KIAA0408: variants seen among roughly 807,000 people sequenced by gnomAD.
The protein encoded by KIAA0408 is KIAA0408, also known as uncharacterized protein KIAA0408.
In KIAA0408, 51 loss-of-function variants were observed where a neutral mutation model predicts 60.9. The observed-to-expected ratio is 0.84, with a 90% CI of 0.67 to 1.06. The LOEUF (loss-of-function observed/expected upper bound fraction) is 1.06. Ranked by LOEUF, KIAA0408 falls within the 50% of genes least tolerant of loss-of-function variation. The probability of loss-of-function intolerance (pLI) is 0.00; values close to 1 mark genes in which losing one functional copy is unlikely to be tolerated. For missense variants in KIAA0408, 787 were observed against 833.9 expected (o/e 0.94, Z 0.69); for synonymous variants, 304 against 282.4 (o/e 1.08, Z -0.77).
In KIAA0408 at chr6:127,451,283, G is replaced by A. The variant is rs556096662; in HGVS notation, c.136-931C>T. On this transcript the variant is annotated intron_variant, in intron 2 of 5. Transcript: ENST00000483725. The stretch of plus-strand genomic sequence containing the variant: ...GATTTATTGCTGCTTAATACATACC[G>A]ATAACTCAGTTGAGAGAAGCACTAG... 24 of 455,476 alleles carry A rather than the reference G, an allele frequency of 5.3e-5. 1 individual carries two copies. The highest frequency in any genetic ancestry group is 6.7e-4 in the Middle Eastern group (2 of 2,978). 28.2% of individuals were successfully genotyped at this position (455,476 alleles called of 1,614,324 possible). A position where few individuals can be genotyped will look rare whatever the true frequency, so the allele number is the denominator to read the frequency against.
Position 127,450,360 on chromosome 6 carries a change from A to G in KIAA0408, c.136-8T>C. ...CTTTACTTCCCGGCAAAGCTGTAAGAAAAACAAAACAAAATTAAAACTTCT... is the reference window on the plus strand; with the variant it reads ...CTTTACTTCCCGGCAAAGCTGTAAGGAAAACAAAACAAAATTAAAACTTCT... On this transcript the variant is annotated splice_polypyrimidine_tract_variant and splice_region_variant and intron_variant, in intron 2 of 5. Transcript: ENST00000483725. The G allele has an allele frequency of 6.4e-7, 1 of 1,570,898 alleles. No homozygotes were observed.
At position 127,448,611 on chromosome 6, in the gene KIAA0408, A is replaced by G. The variant is rs556981214; in HGVS notation, c.579-871T>C. The stretch of plus-strand genomic sequence containing the variant: ...TTCAAACTTAATCACACTGATAAAT[A>G]TAAATCATATTTATACCTCTTCAAA... On this transcript the variant is annotated intron_variant, in intron 4 of 5. Transcript: ENST00000483725. Among the ~76,000 whole-genome samples, 17 of 152,334 alleles carry G rather than the reference A, an allele frequency of 1.1e-4. No homozygotes were observed. The South Asian group carries it at 3.1e-3, about 28-fold the overall frequency.
At chr6:127,457,439 A>C (rs1007693892) in intron 1 of KIAA0408, among the ~76,000 whole-genome samples, 6 of 152,214 alleles carry the variant, frequency 3.9e-5, no homozygotes, top group African/African-American at 1.4e-4. Context: ...TGCTATCTGC[A>C]TCCCCTACCC....
At chr6:127,457,623 G>A (rs1481620268) in intron 1 of KIAA0408, among the ~76,000 whole-genome samples, 1 of 152,236 alleles carries the variant, frequency 6.6e-6, no homozygotes, top group Non-Finnish European at 1.5e-5. Context: ...TTCCAGGGCT[G>A]AAAGCCAGAA....
rs1773075670 is a variant in KIAA0408 at position 127,439,794 on chromosome 6, T to G, written c.*4315A>C. 6.6e-6 allele frequency: 1 copy of G among 152,184 alleles called. No homozygotes were observed. Among genetic ancestry groups the G allele is most frequent in the African/African-American group, 2.4e-5 (1 of 41,444 alleles). 9.4% of individuals were successfully genotyped at this position (152,184 alleles called of 1,614,324 possible). On this transcript the variant is annotated 3_prime_UTR_variant, in exon 6 of 6. Transcript: ENST00000483725. The stretch of plus-strand genomic sequence containing the variant: ...TCACAATGCCTGCCTTGTAGTTTGT[T>G]GTAAGAAGCAGACAAGTCGTGGAAT...
At position 127,447,110 on chromosome 6, in the gene KIAA0408, A is replaced by G. The variant is rs1318160699; in HGVS notation, c.1209T>C (p.Pro403=). Residue 403 remains proline, a synonymous_variant, in exon 5 of 6, where the codon CCT becomes CCC. Coordinates refer to ENST00000483725, the MANE Select transcript of KIAA0408 (RefSeq NM_014702.5). ...VIPDHPAKSH[P]DLHVSNDCSS... The stretch of plus-strand genomic sequence containing the variant: ...TACAGTCATTACTTACATGAAGATC[A>G]GGATGAGATTTAGCAGGGTGATCTG... 5 of 1,613,992 alleles carry G rather than the reference A, an allele frequency of 3.1e-6. No individual in the cohort carries two copies. Among genetic ancestry groups the G allele is most frequent in the East Asian group, 2.2e-5 (1 of 44,878 alleles).
chr6:127,449,911 T>C lies in KIAA0408; in HGVS notation c.499-10A>G, dbSNP rs763149857. 3 of 1,613,980 alleles carry C rather than the reference T, an allele frequency of 1.9e-6. No homozygotes were observed. The highest frequency in any genetic ancestry group is 2.2e-5 in the East Asian group (1 of 44,876). ...CAAGTTCTTCAAGAGCCTTTACACATATAAGCAACAGCCCGTTAGCACTTT... is the reference window on the plus strand; with the variant it reads ...CAAGTTCTTCAAGAGCCTTTACACACATAAGCAACAGCCCGTTAGCACTTT... On this transcript the variant is annotated splice_polypyrimidine_tract_variant and intron_variant, in intron 3 of 5. Coordinates refer to ENST00000483725, the MANE Select transcript of KIAA0408 (RefSeq NM_014702.5).
At chr6:127,458,579 C>T (rs1480954411) in intron 1 of KIAA0408, among the ~76,000 whole-genome samples, 2 of 152,104 alleles carry the variant, frequency 1.3e-5, no homozygotes, top group African/African-American at 4.8e-5. Context: ...TTTGAGTAAA[C>T]AAATGTCTAA....
In KIAA0408 at chr6:127,446,391, T is replaced by C. The variant is rs751937441; in HGVS notation, c.1911+17A>G. 9 of 1,591,654 alleles carry C rather than the reference T, an allele frequency of 5.7e-6. No homozygotes were observed. In the East Asian group the frequency reaches 1.8e-4, roughly 32 times the overall value. ...TAATATGGATGCTACCAAATTATGT[T>C]ATATTTGCTTTCTCACCTCTGTTAT... is the stretch of plus-strand genomic sequence containing the variant. On this transcript the variant is annotated intron_variant, in intron 5 of 5. Transcript: ENST00000483725.
Position 127,447,596 on chromosome 6 carries a change from G to T in KIAA0408, c.723C>A (p.Thr241=), listed in dbSNP as rs753980219. 2 of 1,613,136 alleles carry T rather than the reference G, an allele frequency of 1.2e-6. No individual in the cohort carries two copies. The highest frequency in any genetic ancestry group is 4.5e-5 in the East Asian group (2 of 44,852). The change falls in exon 5 of 6, where the codon ACC becomes ACA. Residue 241 remains threonine, a synonymous_variant. Transcript: ENST00000483725. ...KQKNRKNLSC[T]NVLQSNSTKK... ...TCGTAGAATTGCTCTGGAGCACATTGGTACAGCTCAGATTCTTCCTGTTTT... is the reference window on the plus strand; with the variant it reads ...TCGTAGAATTGCTCTGGAGCACATTTGTACAGCTCAGATTCTTCCTGTTTT...
At position 127,447,085 on chromosome 6, in the gene KIAA0408, TA is replaced by T; in HGVS notation, c.1233del (p.Cys411Ter). ...SHPDLHVSND[C>X]SSSVAESSSP... ...CTACTGCTCTCTGCTACTGAGGAGC[TA>T]CAGTCATTACTTACATGAAGATCAG... is the stretch of plus-strand genomic sequence containing the variant. On this transcript the variant is annotated frameshift_variant, in exon 5 of 6. Coordinates refer to ENST00000483725, the MANE Select transcript of KIAA0408 (RefSeq NM_014702.5). LOFTEE classifies it high-confidence loss of function. 1.9e-6 allele frequency: 3 copies of T among 1,613,934 alleles called. No homozygotes were observed. The highest frequency in any genetic ancestry group is 2.5e-6 in the Non-Finnish European group (3 of 1,179,978).
rs142246737 is a variant in KIAA0408, at chr6:127,446,531, A to G, written c.1788T>C (p.Ser596=). 6.2e-6 allele frequency: 10 copies of G among 1,614,044 alleles called. No individual in the cohort carries two copies. In the African/African-American group the frequency reaches 1.1e-4, roughly 17 times the overall value. ...AATGCTGACTTAATGTGGCACCACC[A>G]CTGACATCAGAATTACATTTGGTCC... ...DNWTKCNSDV[S]GGATLSQHLE... The change falls in exon 5 of 6, where the codon AGT becomes AGC. Residue 596 remains serine, a synonymous_variant. Coordinates refer to ENST00000483725, the MANE Select transcript of KIAA0408 (RefSeq NM_014702.5).
At chr6:127,457,363 T>C (rs1052833235) in intron 1 of KIAA0408, among the ~76,000 whole-genome samples, 2 of 152,190 alleles carry the variant, frequency 1.3e-5, no homozygotes, top group Non-Finnish European at 2.9e-5. Context: ...GTTCTTTTTG[T>C]TCCTAGTTGT....
At chr6:127,455,516 C>T (rs781124976) in intron 1 of KIAA0408, among the ~76,000 whole-genome samples, 5 of 152,098 alleles carry the variant, frequency 3.3e-5, no homozygotes, top group Non-Finnish European at 5.9e-5. Context: ...TTTTGAGTCA[C>T]GATCAATGAA....
rs756245283 is a variant in KIAA0408, at chr6:127,450,110, T to C, written c.378A>G (p.Lys126=). The C allele has an allele frequency of 3.7e-6, 6 of 1,614,118 alleles. No homozygotes were observed. The highest frequency in any genetic ancestry group is 5.1e-6 in the Non-Finnish European group (6 of 1,179,984). The change falls in exon 3 of 6, where the codon AAA becomes AAG. Residue 126 remains lysine, a synonymous_variant. Transcript: ENST00000483725. ...NQMCKEQKAT[K]KSKVGFLDPL... is the part of the protein sequence containing the mutation. ...GATCCAAAAACCCTACTTTTGATTT[T>C]TTTGTTGCTTTTTGTTCCTTACACA... is the stretch of plus-strand genomic sequence containing the variant.
At position 127,441,547 on chromosome 6, in the gene KIAA0408, A is replaced by G. The variant is rs899025316; in HGVS notation, c.*2562T>C. On this transcript the variant is annotated 3_prime_UTR_variant, in exon 6 of 6. Coordinates refer to ENST00000483725, the MANE Select transcript of KIAA0408 (RefSeq NM_014702.5). ...TTTTTGCTCCAAAAGTCTGCTAGGG[A>G]AAACATCTATTAATATATGTTTTTA... 2 of 152,252 alleles carry G rather than the reference A, an allele frequency of 1.3e-5. No homozygotes were observed. The highest frequency in any genetic ancestry group is 2.9e-5 in the Non-Finnish European group (2 of 68,012). 9.4% of individuals were successfully genotyped at this position (152,252 alleles called of 1,614,324 possible).
rs767169555 is a variant in KIAA0408, at chr6:127,447,247, G to T, written c.1072C>A (p.Leu358Ile). 1.2e-6 allele frequency: 2 copies of T among 1,613,880 alleles called. No individual in the cohort carries two copies. Among genetic ancestry groups the T allele is most frequent in the Admixed American group, 3.3e-5 (2 of 59,980 alleles). ...SKPPSNEDVG[L>I]SMWSCDIGIG... ...CCAATGTCACATGACCACATGCTAA[G>T]TCCAACATCTTCATTACTTGGAGGC... The change falls in exon 5 of 6, where the codon CTT becomes ATT. Residue 358 changes from leucine (L) to isoleucine (I), a missense_variant. Coordinates refer to ENST00000483725, the MANE Select transcript of KIAA0408 (RefSeq NM_014702.5).
chr6:127,453,805 C>T, intron 2 of KIAA0408, 42 bp downstream of exon 2: 2 of 1,587,030 alleles, frequency 1.3e-6, no homozygotes, highest in Non-Finnish European at 1.7e-6. Flanking sequence ...TTTCATCCTG[C>T]ACTTAAACAT....
At position 127,446,593 on chromosome 6, in the gene KIAA0408, ACTCT is replaced by A. The variant is rs776324772; in HGVS notation, c.1722_1725del (p.Glu575LeufsTer26). On this transcript the variant is annotated frameshift_variant, in exon 5 of 6. Transcript: ENST00000483725. LOFTEE classifies it high-confidence loss of function. ...AAGCACTTAGAATTTTGCAATGCAG[ACTCT>A]GTTGCTGTCTCATAGGTTTTCAGCA... 1 of 1,613,976 alleles carries A rather than the reference ACTCT, an allele frequency of 6.2e-7. No individual in the cohort carries two copies. The highest frequency in any genetic ancestry group is 1.1e-5 in the South Asian group (1 of 91,074).
Sources: gnomAD v4.1 joint callset for allele counts (sites outside exome capture counted in the v4.1 genomes callset) on GRCh38, gnomAD v4.1.1 for gene constraint, MANE v1.5 for transcripts, NCBI Gene and HGNC (gene_info 2026-07-23, HGNC 2026-07-21) for gene names.